LARGE1: variants seen among roughly 807,000 people sequenced by gnomAD.
The protein encoded by LARGE1 is LARGE xylosyl- and glucuronyltransferase 1, also known as xylosyl- and glucuronyltransferase LARGE1.
In LARGE1, 43 loss-of-function variants were observed where a neutral mutation model predicts 87.6. The observed-to-expected ratio is 0.49, with a 90% CI of 0.38 to 0.63. The LOEUF is 0.63. Ranked by LOEUF, LARGE1 falls within the 30% of genes least tolerant of loss-of-function variation. LARGE1 has a pLI of 0.00. For missense variants in LARGE1, 802 were observed against 1,000.2 expected, an observed-to-expected ratio of 0.80 and a Z score of 2.67; for synonymous variants, 434 against 394.6, an observed-to-expected ratio of 1.10 and a Z score of -1.18.
At chr22:33,357,093 T>C (rs992502415) in intron 9 of LARGE1, among the ~76,000 whole-genome samples, 6 of 152,136 alleles carry the variant, frequency 3.9e-5, no homozygotes, top group South Asian at 2.1e-4. Flanking sequence ...CTATTCACAA[T>C]AGCAAAGATA....
chr22:33,488,117 C>T (rs1195115436), intron 6 of LARGE1, among the ~76,000 whole-genome samples: 6 of 152,166 alleles, frequency 3.9e-5, no homozygotes, highest in African/African-American at 7.2e-5. Context: ...TTTCAAACAC[C>T]GTTGACTTCC....
chr22:33,741,929 G>A (rs2083899805), intron 2 of LARGE1, among the ~76,000 whole-genome samples: 2 of 152,174 alleles, frequency 1.3e-5, no homozygotes, highest in Admixed American at 1.3e-4. Flanking sequence ...GAGGGTCCCA[G>A]CAGAACCAGC....
chr22:33,190,253 C>T (rs1300262457), intron 11 of LARGE1, among the ~76,000 whole-genome samples: 1 of 152,040 alleles, frequency 6.6e-6, no homozygotes, highest in Non-Finnish European at 1.5e-5. Flanking sequence ...GGGAAGAGTA[C>T]TGTTACTCCC....
At chr22:33,763,765 A>G (rs1346279143) in intron 1 of LARGE1, among the ~76,000 whole-genome samples, 4 of 151,858 alleles carry the variant, frequency 2.6e-5, no homozygotes, top group Non-Finnish European at 4.4e-5. Flanking sequence ...AGTGCTTACC[A>G]AAGATATTTT....
intron 1 of LARGE1, among the ~76,000 whole-genome samples, chr22:33,803,675 G>T (rs1418683389): frequency 6.6e-6 from 1 of 152,210 alleles, no homozygotes; most frequent in Non-Finnish European, 1.5e-5. Context: ...CAAGCTTCAA[G>T]AGTTCTCTCC....
chr22:33,829,006 CTTTTT>C (rs776583343), intron 1 of LARGE1, among the ~76,000 whole-genome samples: 21 of 94,788 alleles, frequency 2.2e-4, no homozygotes, highest in Admixed American at 8.3e-4. Context: ...GTCTCTTTTT[CTTTTT>C]TTTTTTTTTT....
In LARGE1 at chr22:33,761,312, A is replaced by C; in HGVS notation, c.106+59T>G. 5 of 1,305,784 alleles carry C rather than the reference A, an allele frequency of 3.8e-6. No homozygotes were observed. The South Asian group carries it at 4.7e-5, about 12-fold the overall frequency. 80.9% of individuals were successfully genotyped at this position (1,305,784 alleles called of 1,614,324 possible). On this transcript the variant is annotated intron_variant, in intron 2 of 14. Coordinates refer to ENST00000397394, the MANE Select transcript of LARGE1 (RefSeq NM_133642.5). ...CTTTGAGTTTCTTTTCTAGGGTTCTATGACAGCTAATGTTCCCTTTCTTCC... is the reference window on the plus strand; with the variant it reads ...CTTTGAGTTTCTTTTCTAGGGTTCTCTGACAGCTAATGTTCCCTTTCTTCC...
intron 6 of LARGE1, among the ~76,000 whole-genome samples, chr22:33,502,052 C>T (rs544581109): frequency 5.3e-5 from 8 of 152,102 alleles, no homozygotes; most frequent in African/African-American, 7.2e-5. Context: ...AAAAATTAGC[C>T]GGGCATGCTG....
At chr22:33,106,458 G>T in the LARGE1 span, among the ~76,000 whole-genome samples, 1 of 152,092 alleles carries the variant, frequency 6.6e-6, no homozygotes, top group Non-Finnish European at 1.5e-5. Flanking sequence ...GTTACCATTA[G>T]GTTGGTACAA....
chr22:33,785,296 T>C (rs1243103439), intron 1 of LARGE1, among the ~76,000 whole-genome samples: 1 of 151,910 alleles, frequency 6.6e-6, no homozygotes, highest in Non-Finnish European at 1.5e-5. Context: ...TATATATGTG[T>C]ATATATATAC....
intron 6 of LARGE1, among the ~76,000 whole-genome samples, chr22:33,462,444 T>C (rs898660588): frequency 1.3e-5 from 2 of 151,822 alleles, no homozygotes; most frequent in Admixed American, 6.6e-5. Flanking sequence ...ATGTGAAGAA[T>C]AGTGAGAAAA....
At chr22:33,823,935 A>G (rs144995696) in intron 1 of LARGE1, among the ~76,000 whole-genome samples, 56 of 152,264 alleles carry the variant, frequency 3.7e-4, no homozygotes, top group African/African-American at 1.3e-3. Context: ...TGCCCTGTTA[A>G]GTGTCTACCA....
chr22:33,885,410 A>T (rs1231617354), intron 1 of LARGE1, among the ~76,000 whole-genome samples: 1 of 152,184 alleles, frequency 6.6e-6, no homozygotes, highest in Non-Finnish European at 1.5e-5. Flanking sequence ...CTACACGTGA[A>T]GTCCCGAGCC....
At chr22:33,777,190 A>G (rs1255935897) in intron 1 of LARGE1, among the ~76,000 whole-genome samples, 1 of 152,182 alleles carries the variant, frequency 6.6e-6, no homozygotes, top group Non-Finnish European at 1.5e-5. Context: ...TGTGGCAACC[A>G]ACCGCTCCTT....
chr22:33,221,365 G>C (rs919181002), intron 11 of LARGE1, among the ~76,000 whole-genome samples: 1 of 152,092 alleles, frequency 6.6e-6, no homozygotes, highest in Admixed American at 6.5e-5. Context: ...TCTTCTGCAA[G>C]GGACCACCTG....
Position 33,337,737 on chromosome 22 carries a change from T to A in LARGE1, c.1196A>T (p.Asn399Ile). 1 of 1,613,912 alleles carries A rather than the reference T, an allele frequency of 6.2e-7. No individual in the cohort carries two copies. The highest frequency in any genetic ancestry group is 8.5e-7 in the Non-Finnish European group (1 of 1,179,988). Residue 399 changes from asparagine (N) to isoleucine (I), a missense_variant, in exon 10 of 15, where the codon AAC (asparagine) becomes ATC (isoleucine). Around this residue, in one of 2 missense-constraint regions of LARGE1, gnomAD observed 625 missense variants for 841.9 expected, o/e 0.74. Coordinates refer to ENST00000397394, the MANE Select transcript of LARGE1 (RefSeq NM_133642.5). ...ATACTCCAGGAAGGTCAGGTAGAGG[T>A]TGCGAAAAAACTCCACATGCTTGTT... is the stretch of plus-strand genomic sequence containing the variant. Reference protein sequence around the residue: ...VKNKHVEFFRNLYLTFLEYDG... With the variant: ...VKNKHVEFFRILYLTFLEYDG...
chr22:33,208,340 A>C (rs1326139518), intron 11 of LARGE1, among the ~76,000 whole-genome samples: 3 of 152,126 alleles, frequency 2.0e-5, no homozygotes, highest in African/African-American at 4.8e-5. Context: ...TTCACCTTGC[A>C]TGGATGTTTT....
chr22:33,675,292 C>CAGAAAAAAAAAAA (rs2081538933), intron 2 of LARGE1, among the ~76,000 whole-genome samples: 1 of 32,906 alleles, frequency 3.0e-5, no homozygotes, highest in Non-Finnish European at 5.3e-5. Context: ...GAAACTCCAT[C>CAGAAAAAAAAAAA]AAAAAAAAAA....
the LARGE1 span, among the ~76,000 whole-genome samples, chr22:33,106,925 T>C: frequency 6.6e-6 from 1 of 152,238 alleles, no homozygotes; most frequent in Non-Finnish European, 1.5e-5. Context: ...AAATTTACCT[T>C]CTTCAGATGA....
Sources: gnomAD v4.1 joint callset for allele counts (sites outside exome capture counted in the v4.1 genomes callset) on GRCh38, gnomAD v4.1.1 for gene constraint, gnomAD v4.1.1 regional missense constraint, MANE v1.5 for transcripts, NCBI Gene and HGNC (gene_info 2026-07-23, HGNC 2026-07-21) for gene names.